The following SCAF1 variants were observed in gnomAD, a reference collection of about 807,000 sequenced individuals.
SCAF1 encodes the protein SR-related CTD associated factor 1.
Under a neutral mutation model 91.2 loss-of-function variants are expected in SCAF1, and 28 were observed. That is an observed-to-expected ratio of 0.31 (90% CI 0.23 to 0.42). The LOEUF (loss-of-function observed/expected upper bound fraction) is 0.42. Among genes scored for constraint, SCAF1 ranks in the 10% least tolerant of loss-of-function variants. The pLI, the probability that SCAF1 is intolerant of heterozygous loss-of-function variation, is 1.00. For missense variants in SCAF1, 1,893 were observed against 1,872.1 expected (o/e 1.01, Z -0.21); for synonymous variants, 1,036 against 833.7 (o/e 1.24, Z -4.18).
Position 49,652,352 on chromosome 19 carries a change from T to C in SCAF1, c.1963T>C (p.Ser655Pro). ...GTCGCGGTCCCGGGGTGAGAAGCGG[T>C]CTGGGGATGGCAGCGAGAAGGCCCC... Reference protein sequence around the residue: ...KRSRSRGEKRSGDGSEKAPAP... With the variant: ...KRSRSRGEKRPGDGSEKAPAP... Residue 655 changes from serine to proline, a missense_variant, in exon 7 of 11, where the codon TCT (serine) becomes CCT (proline). Around this residue, in one of 5 missense-constraint regions of SCAF1, gnomAD observed 1,436 missense variants for 1,306.8 expected, o/e 1.10. Transcript: ENST00000360565. 2 of 1,536,904 alleles carry C rather than the reference T, an allele frequency of 1.3e-6. No homozygotes were observed. The highest frequency in any genetic ancestry group is 1.2e-5 in the South Asian group (1 of 83,386).
rs753676731 is a variant in SCAF1 at position 49,651,238 on chromosome 19, C to CGAG, written c.861_863dup (p.Glu288dup). The stretch of plus-strand genomic sequence containing the variant: ...AGGAAGAAGAAGAGGAAGAGGAAGA[C>CGAG]GAGGAGGAGGAGGAAGGCCTGTCCC... On this transcript the variant is annotated inframe_insertion, in exon 7 of 11. Transcript: ENST00000360565. The CGAG allele has an allele frequency of 1.6e-5, 25 of 1,611,878 alleles. No individual in the cohort carries two copies. Among genetic ancestry groups the CGAG allele is most frequent in the Non-Finnish European group, 1.4e-5 (17 of 1,179,392 alleles).
At chr19:49,657,368 C>T (rs1050242474) in intron 9 of SCAF1, among the ~76,000 whole-genome samples, 7 of 152,132 alleles carry the variant, frequency 4.6e-5, no homozygotes, top group Admixed American at 2.0e-4. Context: ...TCCCCGCTCC[C>T]GCGGTGAAAA....
chr19:49,656,044 C>G (rs927754941), intron 9 of SCAF1, among the ~76,000 whole-genome samples: 1 of 152,238 alleles, frequency 6.6e-6, no homozygotes, highest in Non-Finnish European at 1.5e-5. Context: ...AGCTGTGTAC[C>G]GTGCCAGATA....
At chr19:49,649,676 G>T (rs1004805814) in intron 6 of SCAF1, among the ~76,000 whole-genome samples, 3 of 151,926 alleles carry the variant, frequency 2.0e-5, no homozygotes, top group Admixed American at 1.3e-4. Flanking sequence ...GGTATTTTTA[G>T]TAGAGATGGG....
rs1006446739 is a variant in SCAF1 at position 49,646,949 on chromosome 19, C to T, written c.478+119C>T. ...TTAGACAAAACCTTTCCCTTCTCTT[C>T]GTATTAGACGTGATTAAGGCTGTAG... On this transcript the variant is annotated intron_variant, in intron 6 of 10. Transcript: ENST00000360565. The surrounding 1 kb of genome is among the most constrained non-coding windows in gnomAD (Gnocchi z 5.6). 7.0e-6 allele frequency: 5 copies of T among 715,504 alleles called. No homozygotes were observed. Among genetic ancestry groups the T allele is most frequent in the East Asian group, 2.7e-5 (1 of 36,830 alleles). 44.3% of individuals were successfully genotyped at this position (715,504 alleles called of 1,614,324 possible).
At chr19:49,656,615 A>G (rs1324263394) in intron 9 of SCAF1, among the ~76,000 whole-genome samples, 1 of 152,184 alleles carries the variant, frequency 6.6e-6, no homozygotes, top group East Asian at 1.9e-4. Flanking sequence ...CCAGGGCTGC[A>G]GCTGCTGCCC....
rs376348784 is a variant in SCAF1 at position 49,646,585 on chromosome 19, G to T, written c.321G>T (p.Pro107=). The T allele has an allele frequency of 3.7e-6, 6 of 1,614,112 alleles. No homozygotes were observed. In the Admixed American group the frequency reaches 1.0e-4, roughly 27 times the overall value. The part of the protein sequence containing the change: ...LAGLVSVLDP[P]DTWVPSRLDL... The stretch of plus-strand genomic sequence containing the variant: ...GGCTGGTGAGTGTCCTGGATCCCCC[G>T]GATACCTGGGTTCCCAGCCGCCTGG... Residue 107 remains proline (P), a synonymous_variant, in exon 5 of 11, where the codon CCG becomes CCT. Transcript: ENST00000360565. This position sits in a 1 kb window ranked among gnomAD's most constrained non-coding sequence, Gnocchi z 5.6.
At position 49,651,850 on chromosome 19, in the gene SCAF1, G is replaced by T; in HGVS notation, c.1461G>T (p.Leu487=). 4.8e-6 allele frequency: 6 copies of T among 1,254,782 alleles called. No individual in the cohort carries two copies. The highest frequency in any genetic ancestry group is 6.0e-6 in the Non-Finnish European group (6 of 1,000,244). The allele number at this position is 1,254,782 out of a possible 1,614,324, so 77.7% of individuals were successfully genotyped here. The change falls in exon 7 of 11, where the codon CTG becomes CTT. Residue 487 remains leucine, a synonymous_variant. Transcript: ENST00000360565. ...WGGLDLRRKI[L]TQRRERYRQR... ...GCCTGGACCTGCGCCGCAAGATCCT[G>T]ACCCAACGGCGGGAGCGCTACCGCC...
rs145968375 is a variant in SCAF1 at position 49,654,790 on chromosome 19, C to A, written c.3538C>A (p.Pro1180Thr). 3 of 1,612,728 alleles carry A rather than the reference C, an allele frequency of 1.9e-6. No homozygotes were observed. The highest frequency in any genetic ancestry group is 2.7e-5 in the African/African-American group (2 of 74,894). Reference sequence around the variant, plus strand: ...TCTGGGGGGCTGCGGTTCGACCCCCCCCACCCCCACCGGGCTGGCTGCCAC... The same window carrying A: ...TCTGGGGGGCTGCGGTTCGACCCCCACCACCCCCACCGGGCTGGCTGCCAC... Reference protein sequence around the residue: ...LPLGGCGSTPPTPTGLAATSD... With the variant: ...LPLGGCGSTPTTPTGLAATSD... The change falls in exon 9 of 11, where the codon CCC becomes ACC. Residue 1180 changes from proline (P) to threonine (T), a missense_variant. Physicochemically the swap from Pro to Thr is conservative, Grantham distance 38. Around this residue, in one of 5 missense-constraint regions of SCAF1, gnomAD observed 1,436 missense variants for 1,306.8 expected, o/e 1.10. Coordinates refer to ENST00000360565, the MANE Select transcript of SCAF1 (RefSeq NM_021228.3).
Position 49,646,371 on chromosome 19 carries a change from G to C in SCAF1, c.262-155G>C, listed in dbSNP as rs746734168. 1.3e-5 allele frequency among the ~76,000 whole-genome samples: 2 copies of C among 152,118 alleles called. No individual in the cohort carries two copies. The highest frequency in any genetic ancestry group is 2.4e-5 in the African/African-American group (1 of 41,412). On this transcript the variant is annotated intron_variant, in intron 4 of 10. Coordinates refer to ENST00000360565, the MANE Select transcript of SCAF1 (RefSeq NM_021228.3). The surrounding 1 kb of genome is among the most constrained non-coding windows in gnomAD (Gnocchi z 5.6). ...GGCCTGATCTGTGGGCCTGAGCTTT[G>C]AGTGTTGATGGCAGTCAGGCTATAG... is the stretch of plus-strand genomic sequence containing the variant.
chr19:49,646,376 T>A lies in SCAF1; in HGVS notation c.262-150T>A. On this transcript the variant is annotated intron_variant, in intron 4 of 10. Coordinates refer to ENST00000360565, the MANE Select transcript of SCAF1 (RefSeq NM_021228.3). The surrounding 1 kb of genome is among the most constrained non-coding windows in gnomAD (Gnocchi z 5.6). ...GATCTGTGGGCCTGAGCTTTGAGTGTTGATGGCAGTCAGGCTATAGGAATT... is the reference window on the plus strand; with the variant it reads ...GATCTGTGGGCCTGAGCTTTGAGTGATGATGGCAGTCAGGCTATAGGAATT... 1 of 826,236 alleles carries A rather than the reference T, an allele frequency of 1.2e-6. No homozygotes were observed. The highest frequency in any genetic ancestry group is 1.9e-6 in the Non-Finnish European group (1 of 517,528). The allele number at this position is 826,236 out of a possible 1,614,324, so 51.2% of individuals were successfully genotyped here. A position where few individuals can be genotyped will look rare whatever the true frequency, so the allele number is the denominator to read the frequency against.
Position 49,651,710 on chromosome 19 carries a change from C to T in SCAF1, c.1321C>T (p.Pro441Ser). Residue 441 changes from proline to serine, a missense_variant, in exon 7 of 11, where the codon CCC (proline) becomes TCC (serine). Pro to Ser is a moderately conservative substitution (Grantham distance 74). Around this residue, in one of 5 missense-constraint regions of SCAF1, gnomAD observed 1,436 missense variants for 1,306.8 expected, o/e 1.10. Transcript: ENST00000360565. ...TCCTCAGCCTCCCGCTCCGCGGGCC[C>T]CCGAGGGGGACGACTTCTTGTCCCT... is the stretch of plus-strand genomic sequence containing the variant. ...PLPQPPAPRA[P>S]EGDDFLSLHA... The T allele has an allele frequency of 7.2e-7, 1 of 1,382,590 alleles. No homozygotes were observed. The allele number at this position is 1,382,590 out of a possible 1,614,324, so 85.6% of individuals were successfully genotyped here. A position where few individuals can be genotyped will look rare whatever the true frequency, so the allele number is the denominator to read the frequency against.
intron 9 of SCAF1, among the ~76,000 whole-genome samples, chr19:49,655,910 A>T (rs1410038646): frequency 6.6e-6 from 1 of 152,086 alleles, no homozygotes; most frequent in African/African-American, 2.4e-5. Flanking sequence ...AGCTCAAGTG[A>T]TTCTCCCACC....
chr19:49,658,509 T>G lies in SCAF1; in HGVS notation c.*110T>G. Reference sequence around the variant, plus strand: ...AGTGGGATGACTGGGGGAGGGTTGCTGCAGGGAAGAGGAGAGCCCCCTGCC... The same window carrying G: ...AGTGGGATGACTGGGGGAGGGTTGCGGCAGGGAAGAGGAGAGCCCCCTGCC... On this transcript the variant is annotated 3_prime_UTR_variant, in exon 11 of 11. Coordinates refer to ENST00000360565, the MANE Select transcript of SCAF1 (RefSeq NM_021228.3). 1.5e-6 allele frequency: 1 copy of G among 680,424 alleles called. No homozygotes were observed. Among genetic ancestry groups the G allele is most frequent in the Non-Finnish European group, 2.5e-6 (1 of 404,306 alleles). The allele number at this position is 680,424 out of a possible 1,614,324, so 42.1% of individuals were successfully genotyped here.
chr19:49,652,000 G>A lies in SCAF1; in HGVS notation c.1611G>A (p.Ser537=). ...CCAAGGAGGCCGCCTCGTCCTCGTC[G>A]GGCACCCAGCCAGCGCCGCCCGCCC... ...GEAKEAASSS[S]GTQPAPPAPA... The change falls in exon 7 of 11, where the codon TCG becomes TCA. Residue 537 remains serine (S), a synonymous_variant. Transcript: ENST00000360565. 8.3e-7 allele frequency: 1 copy of A among 1,198,146 alleles called. No individual in the cohort carries two copies. Among genetic ancestry groups the A allele is most frequent in the Non-Finnish European group, 1.0e-6 (1 of 957,178 alleles). The allele number at this position is 1,198,146 out of a possible 1,614,324, so 74.2% of individuals were successfully genotyped here.
At position 49,642,343 on chromosome 19, in the gene SCAF1, A is replaced by C. The variant is rs1297630121; in HGVS notation, c.-7+101A>C. The C allele has an allele frequency of 1.3e-5, 2 of 151,532 alleles. No homozygotes were observed. Among genetic ancestry groups the C allele is most frequent in the African/African-American group, 4.9e-5 (2 of 41,172 alleles). The allele number at this position is 151,532 out of a possible 1,614,324, so 9.4% of individuals were successfully genotyped here. A position where few individuals can be genotyped will look rare whatever the true frequency, so the allele number is the denominator to read the frequency against. On this transcript the variant is annotated intron_variant, in intron 1 of 10. Transcript: ENST00000360565. This position sits in a 1 kb window ranked among gnomAD's most constrained non-coding sequence, Gnocchi z 4.0. ...TGTCCCGGGGTCCTCCCCACAAGCC[A>C]CGGGTCCTAGAGGGCTTCTCGGGGC... is the stretch of plus-strand genomic sequence containing the variant.
rs528194812 is a variant in SCAF1, at chr19:49,654,792, C to T, written c.3540C>T (p.Pro1180=). Residue 1180 remains proline, a synonymous_variant, in exon 9 of 11, where the codon CCC becomes CCT. Transcript: ENST00000360565. ...TGGGGGGCTGCGGTTCGACCCCCCC[C>T]ACCCCCACCGGGCTGGCTGCCACGT... ...LPLGGCGSTP[P]TPTGLAATSD... The T allele has an allele frequency of 6.2e-7, 1 of 1,612,894 alleles. No homozygotes were observed.
In SCAF1 at chr19:49,651,181, C is replaced by T; in HGVS notation, c.792C>T (p.Thr264=). 6.2e-7 allele frequency: 1 copy of T among 1,613,286 alleles called. No individual in the cohort carries two copies. The highest frequency in any genetic ancestry group is 1.1e-5 in the South Asian group (1 of 91,000). ...TGSNPSSSAG[T]PSPEEEEEEE... ...CCAACCCCAGCTCATCAGCGGGGAC[C>T]CCCTCACCTGAGGAGGAAGAGGAGG... Residue 264 remains threonine, a synonymous_variant, in exon 7 of 11, where the codon ACC becomes ACT. Coordinates refer to ENST00000360565, the MANE Select transcript of SCAF1 (RefSeq NM_021228.3).
intron 6 of SCAF1, among the ~76,000 whole-genome samples, chr19:49,648,627 G>C (rs890430660): frequency 6.7e-6 from 1 of 149,182 alleles, no homozygotes; most frequent in Admixed American, 6.7e-5. Flanking sequence ...ATGGTGCCTA[G>C]GACTTATGAC....
Sources: gnomAD v4.1 joint callset for allele counts (sites outside exome capture counted in the v4.1 genomes callset) on GRCh38, gnomAD v4.1.1 for gene constraint, gnomAD v4.1.1 regional missense constraint, Gnocchi (gnomAD v3.1) non-coding constraint, MANE v1.5 for transcripts, NCBI Gene and HGNC (gene_info 2026-07-23, HGNC 2026-07-21) for gene names.